Variants in ZNF487 observed in about 807,000 individuals in gnomAD.
ZNF487 encodes the protein zinc finger protein 487.
In ZNF487, 4 loss-of-function variants were observed where a neutral mutation model predicts 3.0. The observed-to-expected ratio is 1.35, with a 90% confidence interval of 0.66 to 3.08. The LOEUF is 3.08. Among genes scored for constraint, ZNF487 ranks in the 30% most tolerant of loss-of-function variants. The pLI is 0.01. For synonymous variants in ZNF487, 55 were observed against 34.6 expected (o/e 1.59, Z -2.06); for missense variants, 146 against 98.7 (o/e 1.48, Z -2.03).
At chr10:43,503,761 C>A in the ZNF487 span, among the ~76,000 whole-genome samples, 2 of 152,076 alleles carry the variant, frequency 1.3e-5, no homozygotes, top group Non-Finnish European at 2.9e-5. Flanking sequence ...CATGCACCAC[C>A]ATGCCCAACT....
At chr10:43,475,376 G>A (rs1841057099) in intron 1 of ZNF487, among the ~76,000 whole-genome samples, 1 of 152,006 alleles carries the variant, frequency 6.6e-6, no homozygotes, top group African/African-American at 2.4e-5. Flanking sequence ...TTAGCTGGGT[G>A]TGGTGGTGCG....
the ZNF487 span, among the ~76,000 whole-genome samples, chr10:43,497,983 G>GATATATAT: frequency 2.5e-3 from 326 of 130,380 alleles, 2 homozygotes; most frequent in African/African-American, 8.9e-3. Context: ...AAAGAAAAAA[G>GATATATAT]ATATATATAT....
intron 1 of ZNF487, among the ~76,000 whole-genome samples, chr10:43,458,791 G>A (rs183945320): frequency 1.7e-3 from 264 of 152,004 alleles, no homozygotes; most frequent in Non-Finnish European, 3.0e-3. Flanking sequence ...TCTAGGGATG[G>A]AGGCACCTTG....
chr10:43,512,549 T>C, the ZNF487 span, among the ~76,000 whole-genome samples: 1 of 152,128 alleles, frequency 6.6e-6, no homozygotes, highest in Non-Finnish European at 1.5e-5. Flanking sequence ...GGAGAGTAGT[T>C]ATCTGCAGAA....
chr10:43,498,073 TTTTA>T, the ZNF487 span, among the ~76,000 whole-genome samples: 129 of 32,374 alleles, frequency 4.0e-3, 6 homozygotes, highest in South Asian at 7.5e-3. Flanking sequence ...GTATTTGGTA[TTTTA>T]TATATATATA....
chr10:43,468,590 A>G (rs1014617069), intron 1 of ZNF487, among the ~76,000 whole-genome samples: 15 of 149,426 alleles, frequency 1.0e-4, no homozygotes, highest in Non-Finnish European at 1.9e-4. Flanking sequence ...GAGGCAGGAT[A>G]ATTGCTTGAA....
intron 1 of ZNF487, among the ~76,000 whole-genome samples, chr10:43,466,184 G>GAGGGAGAGGGAGACCGT (rs1384196610): frequency 7.4e-5 from 11 of 148,058 alleles, no homozygotes; most frequent in South Asian, 4.4e-4. Context: ...CGTGGAAAGA[G>GAGGGAGAGGGAGACCGT]AGGGAGAGGG....
At chr10:43,439,007 C>T (rs1184223755) in intron 1 of ZNF487, among the ~76,000 whole-genome samples, 1 of 151,920 alleles carries the variant, frequency 6.6e-6, no homozygotes, top group Non-Finnish European at 1.5e-5. Flanking sequence ...TTTGGGAGGT[C>T]GAGGTGGGTG....
At chr10:43,446,133 C>T (rs985622776) in intron 1 of ZNF487, among the ~76,000 whole-genome samples, 2 of 152,250 alleles carry the variant, frequency 1.3e-5, no homozygotes, top group African/African-American at 4.8e-5. Context: ...CACGTTTCCC[C>T]CTTTTCTATT....
chr10:43,490,421 T>C, the ZNF487 span, among the ~76,000 whole-genome samples: 1 of 151,928 alleles, frequency 6.6e-6, no homozygotes, highest in Admixed American at 6.6e-5. Flanking sequence ...TTTCTTCTTG[T>C]GATTTTCCCC....
At chr10:43,464,516 G>T (rs961377477) in intron 1 of ZNF487, among the ~76,000 whole-genome samples, 1 of 152,142 alleles carries the variant, frequency 6.6e-6, no homozygotes, top group Non-Finnish European at 1.5e-5. Flanking sequence ...AGAGGACCCT[G>T]CGGCCTTCCG....
chr10:43,476,394 C>G (rs896316933), intron 3 of ZNF487, among the ~76,000 whole-genome samples, 192 bp downstream of exon 3: 1 of 152,148 alleles, frequency 6.6e-6, no homozygotes, highest in African/African-American at 2.4e-5. Context: ...CAGATAACAG[C>G]TAAATGGTCT....
At chr10:43,446,769 G>A (rs569720708) in intron 1 of ZNF487, among the ~76,000 whole-genome samples, 201 of 152,250 alleles carry the variant, frequency 1.3e-3, no homozygotes, top group Middle Eastern at 3.4e-3. Flanking sequence ...AGGCAGAGAC[G>A]CTCCTCACTT....
At chr10:43,449,499 TTATG>T (rs1329600846) in intron 1 of ZNF487, among the ~76,000 whole-genome samples, 1 of 152,134 alleles carries the variant, frequency 6.6e-6, no homozygotes, top group Non-Finnish European at 1.5e-5. Context: ...CAGTCTAACA[TTATG>T]TAAGTAACCA....
chr10:43,487,389 T>G (rs972391438), downstream of ZNF487, among the ~76,000 whole-genome samples: 3 of 152,008 alleles, frequency 2.0e-5, no homozygotes, highest in African/African-American at 7.3e-5. Context: ...TCTGCCTGCC[T>G]CCGCCTCCCA....
At chr10:43,475,923 T>C (rs907181652) in intron 2 of ZNF487, 76 bp downstream of exon 2, 2 of 665,952 alleles carry the variant, frequency 3.0e-6, no homozygotes, top group African/African-American at 3.6e-5. Context: ...GGTTTCTTTG[T>C]ATGAATATGA....
chr10:43,496,936 T>C, the ZNF487 span, among the ~76,000 whole-genome samples: 1 of 152,216 alleles, frequency 6.6e-6, no homozygotes, highest in Non-Finnish European at 1.5e-5. Context: ...GAGGCACCAC[T>C]GTAAAAGTGG....
At chr10:43,465,620 T>C (rs1242641949) in intron 1 of ZNF487, among the ~76,000 whole-genome samples, 10 of 141,528 alleles carry the variant, frequency 7.1e-5, no homozygotes, top group Admixed American at 2.8e-4. Context: ...CCTCACTTCC[T>C]AGATGGGATG....
intron 1 of ZNF487, among the ~76,000 whole-genome samples, chr10:43,443,790 T>C (rs888783793): frequency 1.3e-5 from 2 of 151,442 alleles, no homozygotes; most frequent in African/African-American, 4.9e-5. Flanking sequence ...TCCCAAAGTG[T>C]TGGGAGTACA....
Sources: gnomAD v4.1 joint callset for allele counts (sites outside exome capture counted in the v4.1 genomes callset) on GRCh38, gnomAD v4.1.1 for gene constraint, MANE v1.5 for transcripts, NCBI Gene and HGNC (gene_info 2026-07-23, HGNC 2026-07-21) for gene names.